ATP2C2: variants seen among roughly 807,000 people sequenced by gnomAD.
ATP2C2 encodes the protein ATPase secretory pathway Ca2+ transporting 2.
Under a neutral mutation model 110.8 loss-of-function variants are expected in ATP2C2, and 171 were observed. The ratio of observed to expected loss-of-function variants is 1.54; its 90% CI spans 1.36 to 1.75. The LOEUF is 1.75. ATP2C2 is among the 40% of genes most tolerant of loss of function. The pLI, the probability that ATP2C2 is intolerant of heterozygous loss-of-function variation, is 0.00. For missense variants in ATP2C2, 1,963 were observed against 1,235.0 expected (o/e 1.59, Z -8.84); for synonymous variants, 804 against 508.4 (o/e 1.58, Z -7.82).
chr16:84,382,444 G>T (rs1287080555), intron 1 of ATP2C2, among the ~76,000 whole-genome samples: 1 of 152,198 alleles, frequency 6.6e-6, no homozygotes, highest in Non-Finnish European at 1.5e-5. Flanking sequence ...AAGAACAGTT[G>T]CATTGACTTG....
intron 1 of ATP2C2, among the ~76,000 whole-genome samples, chr16:84,398,105 TA>T (rs537720370): frequency 1.3e-5 from 2 of 151,404 alleles, no homozygotes; most frequent in Non-Finnish European, 2.9e-5. Context: ...TTTTATGCTT[TA>T]AAAAAAACAC....
chr16:84,394,854 A>G (rs542033469), intron 1 of ATP2C2, among the ~76,000 whole-genome samples: 2 of 152,260 alleles, frequency 1.3e-5, no homozygotes, highest in South Asian at 4.1e-4. Context: ...ATTTGACCTC[A>G]TCTGACCTTG....
rs113192078 is a variant in ATP2C2 at position 84,435,742 on chromosome 16, G to T, written c.987-3424G>T. Among the ~76,000 whole-genome samples the T allele has an allele frequency of 4.8e-3, 734 of 152,098 alleles. 6 individuals carry two copies. Among genetic ancestry groups the T allele is most frequent in the African/African-American group, 0.017 (716 of 41,476 alleles). On this transcript the variant is annotated intron_variant, in intron 11 of 26. Transcript: ENST00000262429. ...CCAGGGAGGCAGAGGCTGGAGGATT[G>T]CTTGAGTCCAGGAGGTCAAGGCTGC...
intron 10 of ATP2C2, among the ~76,000 whole-genome samples, chr16:84,424,443 G>A (rs11641976): frequency 0.42 from 63,715 of 151,748 alleles, 13,674 homozygotes; most frequent in African/African-American, 0.48. Flanking sequence ...ACGCCCAGCT[G>A]ATTTTTGTAT....
At chr16:84,441,862 G>T (rs1270052796) in intron 14 of ATP2C2, among the ~76,000 whole-genome samples, 1 of 152,172 alleles carries the variant, frequency 6.6e-6, no homozygotes, top group Non-Finnish European at 1.5e-5. Context: ...GGCAGAGGTT[G>T]CAGTGAGCTG....
At chr16:84,373,179 T>A (rs1414778950) in intron 1 of ATP2C2, among the ~76,000 whole-genome samples, 1 of 151,244 alleles carries the variant, frequency 6.6e-6, no homozygotes, top group Non-Finnish European at 1.5e-5. Context: ...AGAACAGCCT[T>A]ATTTTGATAT....
chr16:84,459,537 GCAGT>G, intron 23 of ATP2C2, 151 bp downstream of exon 23: 1 of 1,546,300 alleles, frequency 6.5e-7, no homozygotes, highest in South Asian at 1.2e-5. Flanking sequence ...GTGTTGCACT[GCAGT>G]GAGACTGGGA....
chr16:84,458,647 C>T (rs939735093), intron 21 of ATP2C2, among the ~76,000 whole-genome samples: 2 of 152,194 alleles, frequency 1.3e-5, no homozygotes, highest in Non-Finnish European at 1.5e-5. Flanking sequence ...AAAAGGGCTT[C>T]CGCGAAGAGC....
intron 20 of ATP2C2, among the ~76,000 whole-genome samples, chr16:84,453,622 C>T (rs1366808878): frequency 1.3e-5 from 2 of 152,150 alleles, no homozygotes; most frequent in African/African-American, 4.8e-5. Flanking sequence ...CTTGCGCTGA[C>T]AGCCCCTTGG....
Position 84,432,484 on chromosome 16 carries a change from C to A in ATP2C2, c.987-6682C>A, listed in dbSNP as rs141143220. ...GTCCCCCTCCCTGTGTCCATGTATT[C>A]TCATTGTTCAACTCCCACTTAGGAG... is the stretch of plus-strand genomic sequence containing the variant. On this transcript the variant is annotated intron_variant, in intron 11 of 26. Transcript: ENST00000262429. 9.2e-4 allele frequency among the ~76,000 whole-genome samples: 139 copies of A among 151,898 alleles called. 1 individual carries two copies. Among genetic ancestry groups the A allele is most frequent in the Middle Eastern group, 3.4e-3 (1 of 294 alleles).
intron 1 of ATP2C2, among the ~76,000 whole-genome samples, chr16:84,395,961 CTG>C (rs1485969695): frequency 6.6e-6 from 1 of 152,180 alleles, no homozygotes; most frequent in East Asian, 1.9e-4. Context: ...CAAAGAGACT[CTG>C]TAGTCATTAA....
At chr16:84,441,087 C>G (rs1909214828) in intron 14 of ATP2C2, 129 bp downstream of exon 14, 1 of 798,166 alleles carries the variant, frequency 1.3e-6, no homozygotes, top group African/African-American at 1.7e-5. Flanking sequence ...AGGGGTGAGG[C>G]TGGCACAGCA....
chr16:84,463,501 G>GCTGGT (rs1371096312), intron 26 of ATP2C2, 113 bp from the exon 27 acceptor site: 1 of 861,624 alleles, frequency 1.2e-6, no homozygotes, highest in African/African-American at 1.7e-5. Flanking sequence ...AATGAAAAGG[G>GCTGGT]CTGGTCCTCC....
At chr16:84,409,483 C>A (rs1016637625) in intron 4 of ATP2C2, among the ~76,000 whole-genome samples, 1 of 152,070 alleles carries the variant, frequency 6.6e-6, no homozygotes, top group African/African-American at 2.4e-5. Context: ...AATACATGAC[C>A]TTTTGTATCT....
In ATP2C2 at chr16:84,446,409, G is replaced by A. The variant is rs369247987; in HGVS notation, c.1482G>A (p.Val494=). 4.4e-6 allele frequency: 7 copies of A among 1,605,510 alleles called. No individual in the cohort carries two copies. The highest frequency in any genetic ancestry group is 5.9e-6 in the Non-Finnish European group (7 of 1,176,786). Residue 494 remains valine, a synonymous_variant, in exon 16 of 27, where the codon GTG becomes GTA. Coordinates refer to ENST00000262429, the MANE Select transcript of ATP2C2 (RefSeq NM_014861.4). ...GTTCAGAGCAGAAGTGGATGGCGGT[G>A]AAATGCAGTCTGAAGACTGAGGTGA... ...PFSSEQKWMA[V]KCSLKTEDQE... is the part of the protein sequence containing the mutation.
In ATP2C2 at chr16:84,463,883, C is replaced by A. The variant is rs762774203; in HGVS notation, c.*151C>A. 2.0e-5 allele frequency: 14 copies of A among 707,616 alleles called. No individual in the cohort carries two copies. The highest frequency in any genetic ancestry group is 3.1e-5 in the Non-Finnish European group (13 of 418,760). The allele number at this position is 707,616 out of a possible 1,614,324, so 43.8% of individuals were successfully genotyped here. A position where few individuals can be genotyped will look rare whatever the true frequency, so the allele number is the denominator to read the frequency against. ...CCTCTTAGGAAAGCTGCAGGAACCTCGTGGGCTCCAGGGACCCAGGCCCAC... is the reference window on the plus strand; with the variant it reads ...CCTCTTAGGAAAGCTGCAGGAACCTAGTGGGCTCCAGGGACCCAGGCCCAC... On this transcript the variant is annotated 3_prime_UTR_variant, in exon 27 of 27. Coordinates refer to ENST00000262429, the MANE Select transcript of ATP2C2 (RefSeq NM_014861.4).
intron 6 of ATP2C2, among the ~76,000 whole-genome samples, chr16:84,411,497 A>G (rs1479794028): frequency 6.6e-6 from 1 of 152,212 alleles, no homozygotes; most frequent in African/African-American, 2.4e-5. Flanking sequence ...GCTGGAGTGC[A>G]GTGGCACAAT....
chr16:84,398,668 G>GCAACA, intron 2 of ATP2C2, 59 bp downstream of exon 2: 1 of 1,355,958 alleles, frequency 7.4e-7, no homozygotes, highest in South Asian at 1.3e-5. Flanking sequence ...TTAAAAGAAA[G>GCAACA]CAACACAAAG....
intron 11 of ATP2C2, among the ~76,000 whole-genome samples, chr16:84,438,164 T>C (rs1235132361): frequency 1.3e-5 from 2 of 152,248 alleles, no homozygotes; most frequent in African/African-American, 4.8e-5. Context: ...TCTTCATGTT[T>C]GTTTTTACAT....
Sources: gnomAD v4.1 joint callset for allele counts (sites outside exome capture counted in the v4.1 genomes callset) on GRCh38, gnomAD v4.1.1 for gene constraint, MANE v1.5 for transcripts, NCBI Gene and HGNC (gene_info 2026-07-23, HGNC 2026-07-21) for gene names.